The following FRK variants were observed in gnomAD, a reference collection of about 807,000 sequenced individuals.
The protein encoded by FRK is tyrosine-protein kinase FRK.
In FRK, 51 loss-of-function variants were observed where a neutral mutation model predicts 56.4. The ratio of observed to expected loss-of-function variants is 0.90; its 90% CI spans 0.72 to 1.14. The LOEUF is 1.14. Ranked by LOEUF, FRK falls within the 50% of genes most tolerant of loss-of-function variation. FRK has a pLI of 0.00. For missense variants in FRK, 570 were observed against 601.4 expected, an observed-to-expected ratio of 0.95 and a Z score of 0.55; for synonymous variants, 245 against 217.9, an observed-to-expected ratio of 1.12 and a Z score of -1.10.
At chr6:116,004,042 C>A (rs760613388) in intron 1 of FRK, 44 bp from the exon 2 acceptor site, 2 of 1,564,648 alleles carry the variant, frequency 1.3e-6, no homozygotes, top group East Asian at 2.2e-5. Context: ...AATTAACATT[C>A]ATTTTTTAAG....
intron 2 of FRK, among the ~76,000 whole-genome samples, chr6:116,002,999 A>T (rs1464919127): frequency 1.3e-5 from 2 of 152,214 alleles, no homozygotes. Flanking sequence ...TTTCCAGCTC[A>T]GTGAGTCAGG....
the FRK span, among the ~76,000 whole-genome samples, chr6:116,081,444 G>T: frequency 0.014 from 2,068 of 152,214 alleles, 36 homozygotes; most frequent in African/African-American, 0.047. Flanking sequence ...ATCACCTGAG[G>T]TCAGGAGTTT....
intron 1 of FRK, among the ~76,000 whole-genome samples, chr6:116,034,162 A>G (rs1776389377): frequency 1.3e-5 from 2 of 152,080 alleles, no homozygotes; most frequent in Non-Finnish European, 2.9e-5. Context: ...AGTTAGACAG[A>G]AGGAATAAGT....
In FRK at chr6:116,060,594, T is replaced by A; in HGVS notation, c.-283A>T. ...ACTAGGAAGGTGTCTTTTCTTCTTA[T>A]CTGCTTAAGAATCCCACAACAAAAA... On this transcript the variant is annotated 5_prime_UTR_variant, in exon 1 of 8. Transcript: ENST00000606080. 8.5e-6 allele frequency: 3 copies of A among 352,288 alleles called. No homozygotes were observed. Among genetic ancestry groups the A allele is most frequent in the Non-Finnish European group, 1.5e-5 (3 of 194,274 alleles). The allele number at this position is 352,288 out of a possible 1,614,324, so 21.8% of individuals were successfully genotyped here. A position where few individuals can be genotyped will look rare whatever the true frequency, so the allele number is the denominator to read the frequency against.
rs1562257460 is a variant in FRK at position 115,958,708 on chromosome 6, A to AAAGAAAGAAGG, written c.800-2099_800-2098insCCTTCTTTCTT. On this transcript the variant is annotated intron_variant, in intron 4 of 7. Transcript: ENST00000606080. ...AGAAAGAAAGAAAGAAAGAAAGAAG[A>AAAGAAAGAAGG]AAGAAAGAAAGAAAGAAAGAAAGAA... is the stretch of plus-strand genomic sequence containing the variant. 2.9e-3 allele frequency among the ~76,000 whole-genome samples: 36 copies of AAAGAAAGAAGG among 12,370 alleles called. 4 individuals carry two copies. Among genetic ancestry groups the AAAGAAAGAAGG allele is most frequent in the African/African-American group, 0.012 (36 of 3,030 alleles). The allele number at this position is 12,370 out of a possible 152,430, so 8.1% of individuals were successfully genotyped here.
chr6:115,960,366 A>G (rs1180791065), intron 4 of FRK, among the ~76,000 whole-genome samples: 3 of 151,482 alleles, frequency 2.0e-5, no homozygotes, highest in Non-Finnish European at 4.4e-5. Flanking sequence ...CCACTAGACT[A>G]TATCCCACAC....
the FRK span, among the ~76,000 whole-genome samples, chr6:116,076,280 T>C: frequency 6.6e-6 from 1 of 152,220 alleles, no homozygotes; most frequent in African/African-American, 2.4e-5. Flanking sequence ...GCAATGTATA[T>C]CAAATTTATT....
chr6:115,992,843 G>C (rs533214588), intron 2 of FRK, among the ~76,000 whole-genome samples: 27 of 151,902 alleles, frequency 1.8e-4, no homozygotes, highest in African/African-American at 6.3e-4. Flanking sequence ...TATGAGGTTT[G>C]TAAAGGAGAG....
intron 1 of FRK, among the ~76,000 whole-genome samples, chr6:116,006,789 T>C (rs1775263825): frequency 6.6e-6 from 1 of 152,152 alleles, no homozygotes; most frequent in South Asian, 2.1e-4. Flanking sequence ...CACCTGTGAA[T>C]AGCCACTGCA....
At chr6:116,010,597 T>C (rs555845342) in intron 1 of FRK, among the ~76,000 whole-genome samples, 1 of 152,310 alleles carries the variant, frequency 6.6e-6, no homozygotes, top group Non-Finnish European at 1.5e-5. Context: ...AAGGACAATA[T>C]GTCCTGCAAC....
the FRK span, among the ~76,000 whole-genome samples, chr6:116,098,419 T>C: frequency 6.6e-6 from 1 of 152,106 alleles, no homozygotes; most frequent in Non-Finnish European, 1.5e-5. Flanking sequence ...CAGACAGCCG[T>C]GGTTTTGTGG....
the FRK span, among the ~76,000 whole-genome samples, chr6:116,073,182 A>G: frequency 4.6e-5 from 7 of 152,078 alleles, no homozygotes; most frequent in African/African-American, 1.4e-4. Flanking sequence ...GATACACTCA[A>G]TTTCTTTATT....
At position 115,953,180 on chromosome 6, in the gene FRK, A is replaced by ACTTTTTTTTTTTTTTTTTTTTTTTTTTT. The variant is rs34026302; in HGVS notation, c.958+3271_958+3272insAAAAAAAAAAAAAAAAAAAAAAAAAAAG. ...AGAGTGGTACATCCATTTTAAGGCCATTTTTTTTTTTTTTTTTTTTTTTTT... is the reference window on the plus strand; with the variant it reads ...AGAGTGGTACATCCATTTTAAGGCCACTTTTTTTTTTTTTTTTTTTTTTTTTTTTTTTTTTTTTTTTTTTTTTTTTTTT... On this transcript the variant is annotated intron_variant, in intron 5 of 7. Coordinates refer to ENST00000606080, the MANE Select transcript of FRK (RefSeq NM_002031.3). Among the ~76,000 whole-genome samples the ACTTTTTTTTTTTTTTTTTTTTTTTTTTT allele has an allele frequency of 7.7e-5, 8 of 104,032 alleles. 4 individuals are homozygous for ACTTTTTTTTTTTTTTTTTTTTTTTTTTT. The highest frequency in any genetic ancestry group is 7.3e-5 in the African/African-American group (2 of 27,214). The allele number at this position is 104,032 out of a possible 152,430, so 68.2% of individuals were successfully genotyped here.
chr6:116,094,881 CAAAG>C, the FRK span, among the ~76,000 whole-genome samples: 2 of 151,920 alleles, frequency 1.3e-5, no homozygotes, highest in Non-Finnish European at 2.9e-5. Context: ...GAGAAAGAGA[CAAAG>C]AAGTCAAAGA....
At chr6:116,092,759 G>A in the FRK span, among the ~76,000 whole-genome samples, 1 of 152,194 alleles carries the variant, frequency 6.6e-6, no homozygotes, top group Admixed American at 6.5e-5. Flanking sequence ...TCTGGGGACC[G>A]TTGCGAGTTC....
chr6:116,060,175 T>G lies in FRK; in HGVS notation c.137A>C (p.Tyr46Ser). The change falls in exon 1 of 8, where the codon TAC (tyrosine) becomes TCC (serine). Residue 46 changes from tyrosine (Y) to serine (S), a missense_variant. Physicochemically the swap from Tyr to Ser is moderately radical, Grantham distance 144. Transcript: ENST00000606080. The part of the protein sequence containing the change: ...CSPQSQRHGH[Y>S]FVALFDYQAR... ...CTGGTAATCAAACAAAGCCACAAAGTAGTGGCCATGCCTCTGTGACTGGGG... is the reference window on the plus strand; with the variant it reads ...CTGGTAATCAAACAAAGCCACAAAGGAGTGGCCATGCCTCTGTGACTGGGG... The G allele has an allele frequency of 2.5e-6, 4 of 1,614,164 alleles. No individual in the cohort carries two copies. The highest frequency in any genetic ancestry group is 3.4e-6 in the Non-Finnish European group (4 of 1,180,024).
intron 5 of FRK, among the ~76,000 whole-genome samples, chr6:115,954,297 AG>A (rs1772904293): frequency 6.6e-6 from 1 of 152,234 alleles, no homozygotes; most frequent in African/African-American, 2.4e-5. Context: ...CAGGCCATGC[AG>A]GACTTCATGA....
intron 2 of FRK, among the ~76,000 whole-genome samples, chr6:115,972,596 A>C (rs942329978): frequency 6.6e-6 from 1 of 152,164 alleles, no homozygotes; most frequent in Non-Finnish European, 1.5e-5. Flanking sequence ...AATTATTAAC[A>C]AGCTGAGAGA....
intron 2 of FRK, among the ~76,000 whole-genome samples, chr6:115,969,300 C>T (rs1187227728): frequency 6.6e-6 from 1 of 152,166 alleles, no homozygotes; most frequent in Non-Finnish European, 1.5e-5. Context: ...AATGCCCTAA[C>T]ACAGTTCAAT....
Sources: allele counts gnomAD v4.1 joint callset (sites outside exome capture counted in the v4.1 genomes callset), GRCh38; gene constraint gnomAD v4.1.1; transcripts MANE v1.5; gene names NCBI Gene and HGNC (gene_info 2026-07-23, HGNC 2026-07-21).